The following MYOF variants were observed in gnomAD, a reference collection of about 807,000 sequenced individuals.
MYOF encodes myoferlin.
MYOF carries 244 observed loss-of-function variants against 284.2 expected under a neutral mutation model. That is an observed-to-expected ratio of 0.86 (90% confidence interval 0.77 to 0.95). The LOEUF is 0.95. Among genes scored for constraint, MYOF ranks in the 40% least tolerant of loss-of-function variants. The pLI is 0.00. For missense variants in MYOF, 2,496 were observed against 2,560.6 expected, an observed-to-expected ratio of 0.97 and a Z score of 0.54; for synonymous variants, 904 against 919.7, an observed-to-expected ratio of 0.98 and a Z score of 0.31.
chr10:93,370,314 A>ATTTTTTTTTTTTTTTTTTTTTTTTTTTT (rs916555324), intron 24 of MYOF, among the ~76,000 whole-genome samples: 2 of 122,464 alleles, frequency 1.6e-5, no homozygotes, highest in Non-Finnish European at 1.6e-5. Context: ...ATGATTACTA[A>ATTTTTTTTTTTTTTTTTTTTTTTTTTTT]TTTTTTTTTT....
chr10:93,425,313 G>A (rs1589548486), intron 5 of MYOF, among the ~76,000 whole-genome samples: 1 of 152,082 alleles, frequency 6.6e-6, no homozygotes, highest in Non-Finnish European at 1.5e-5. Flanking sequence ...GACACATGCC[G>A]AGACTGTGCC....
At chr10:93,454,842 G>A (rs2056695333) in intron 2 of MYOF, among the ~76,000 whole-genome samples, 1 of 151,946 alleles carries the variant, frequency 6.6e-6, no homozygotes, top group Admixed American at 6.6e-5. Context: ...AGCTGGGCAT[G>A]GTGGCTTATA....
At position 93,451,088 on chromosome 10, in the gene MYOF, C is replaced by G. The variant is rs76908552; in HGVS notation, c.236+962G>C. Among the ~76,000 whole-genome samples the G allele has an allele frequency of 5.5e-4, 83 of 152,254 alleles. No individual in the cohort carries two copies. The East Asian group carries it at 0.014, about 26-fold the overall frequency. ...GGCACGGTAGCTCACACCTGTAGTTCCAGCCCTTTGGGAGGCTGAAGCGGG... is the reference window on the plus strand; with the variant it reads ...GGCACGGTAGCTCACACCTGTAGTTGCAGCCCTTTGGGAGGCTGAAGCGGG... On this transcript the variant is annotated intron_variant, in intron 3 of 53. Coordinates refer to ENST00000359263, the MANE Select transcript of MYOF (RefSeq NM_013451.4).
chr10:93,307,084 A>C (rs1367863930), intron 53 of MYOF, 83 bp from the exon 54 acceptor site: 5 of 1,323,932 alleles, frequency 3.8e-6, no homozygotes, highest in Non-Finnish European at 5.4e-6. Flanking sequence ...TTGAGAAAAA[A>C]TTGACATTTT....
rs1481009631 is a variant in MYOF at position 93,343,836 on chromosome 10, T to C, written c.4326+20A>G. On this transcript the variant is annotated intron_variant, in intron 38 of 53. Transcript: ENST00000359263. ...AGAAGATAAAACTGACAGCATCCAC[T>C]GATCAGCTCTGAAGCCTACCTTAGA... 2 of 1,613,150 alleles carry C rather than the reference T, an allele frequency of 1.2e-6. No homozygotes were observed. The highest frequency in any genetic ancestry group is 2.2e-5 in the South Asian group (2 of 91,028).
chr10:93,383,382 TA>T (rs1361162627), intron 19 of MYOF, among the ~76,000 whole-genome samples: 1 of 152,148 alleles, frequency 6.6e-6, no homozygotes, highest in Non-Finnish European at 1.5e-5. Flanking sequence ...TCAATCTTTC[TA>T]AAAAGTCTCT....
At chr10:93,307,032 A>T (rs1160156591) in intron 53 of MYOF, 31 bp from the exon 54 acceptor site, 1 of 1,585,846 alleles carries the variant, frequency 6.3e-7, no homozygotes, top group Admixed American at 1.7e-5. Context: ...GTGGTAAAAA[A>T]ACATGTATGT....
intron 3 of MYOF, among the ~76,000 whole-genome samples, chr10:93,447,310 T>C (rs886466365): frequency 6.6e-6 from 1 of 152,120 alleles, no homozygotes; most frequent in Non-Finnish European, 1.5e-5. Context: ...TTTACCTCCC[T>C]TCCTTAAGGG....
At chr10:93,371,501 C>A (rs960335965) in intron 24 of MYOF, among the ~76,000 whole-genome samples, 9 of 152,072 alleles carry the variant, frequency 5.9e-5, no homozygotes, top group Non-Finnish European at 1.2e-4. Flanking sequence ...TGCAAAAATG[C>A]AAAACAGTCT....
chr10:93,390,067 C>A (rs765650359), intron 17 of MYOF, among the ~76,000 whole-genome samples: 3 of 152,214 alleles, frequency 2.0e-5, no homozygotes, highest in Non-Finnish European at 4.4e-5. Context: ...AAGGCTTCAG[C>A]CTATCTTTCA....
At chr10:93,471,851 T>C (rs968261363) in intron 1 of MYOF, among the ~76,000 whole-genome samples, 5 of 151,250 alleles carry the variant, frequency 3.3e-5, no homozygotes, top group African/African-American at 1.2e-4. Flanking sequence ...ATTGCACCAT[T>C]GCACTCCAGC....
chr10:93,431,587 A>G (rs1473437210), intron 3 of MYOF, 71 bp from the exon 4 acceptor site: 14 of 1,081,188 alleles, frequency 1.3e-5, no homozygotes, highest in Non-Finnish European at 2.0e-5. Flanking sequence ...AGGACCTCTC[A>G]ACCCCTACCT....
At chr10:93,385,957 G>T (rs554289327) in intron 19 of MYOF, among the ~76,000 whole-genome samples, 68 of 151,764 alleles carry the variant, frequency 4.5e-4, no homozygotes, top group Non-Finnish European at 7.8e-4. Flanking sequence ...AGTTAATAAA[G>T]CATTTAAAAA....
intron 16 of MYOF, 73 bp from the exon 17 acceptor site, chr10:93,393,028 T>A (rs1846778290): frequency 7.6e-7 from 1 of 1,323,780 alleles, no homozygotes; most frequent in Admixed American, 1.7e-5. Flanking sequence ...AAAACGTTAA[T>A]CAAATCCAGT....
At chr10:93,432,939 T>G (rs1848939287) in intron 3 of MYOF, among the ~76,000 whole-genome samples, 1 of 152,136 alleles carries the variant, frequency 6.6e-6, no homozygotes, top group Non-Finnish European at 1.5e-5. Context: ...TTGGGGAACA[T>G]GATCAAAAAC....
chr10:93,468,672 A>G (rs2057066724), intron 1 of MYOF, among the ~76,000 whole-genome samples: 1 of 152,184 alleles, frequency 6.6e-6, no homozygotes, highest in Non-Finnish European at 1.5e-5. Context: ...ATCATTAGTC[A>G]TCTCTTTCAC....
In MYOF at chr10:93,401,157, G is replaced by A. The variant is rs188739085; in HGVS notation, c.1117+261C>T. On this transcript the variant is annotated intron_variant, in intron 12 of 53. Coordinates refer to ENST00000359263, the MANE Select transcript of MYOF (RefSeq NM_013451.4). ...TTAGCATCCTCTAGAATAAAGAGAA[G>A]ATATAGAATAGCAAGAGAGAGAGTC... is the stretch of plus-strand genomic sequence containing the variant. Among the ~76,000 whole-genome samples the A allele has an allele frequency of 1.8e-3, 272 of 152,254 alleles. 1 individual carries two copies. Among genetic ancestry groups the A allele is most frequent in the African/African-American group, 6.3e-3 (261 of 41,546 alleles).
At chr10:93,363,930 TGA>T (rs1845198266) in intron 27 of MYOF, 29 bp downstream of exon 27, 2 of 1,598,538 alleles carry the variant, frequency 1.3e-6, no homozygotes, top group South Asian at 1.1e-5. Flanking sequence ...AGGTGACAGG[TGA>T]GAGTTTCTCT....
At chr10:93,466,886 G>A (rs750590241) in intron 1 of MYOF, among the ~76,000 whole-genome samples, 6 of 152,134 alleles carry the variant, frequency 3.9e-5, no homozygotes, top group Non-Finnish European at 5.9e-5. Flanking sequence ...GCTGAGGTGG[G>A]AGGATCACTT....
Sources: allele counts gnomAD v4.1 joint callset (sites outside exome capture counted in the v4.1 genomes callset), GRCh38; gene constraint gnomAD v4.1.1; transcripts MANE v1.5; gene names NCBI Gene and HGNC (gene_info 2026-07-23, HGNC 2026-07-21).